The following MAN1A1 variants were observed in gnomAD, a reference collection of about 807,000 sequenced individuals.
The protein encoded by MAN1A1 is mannosidase alpha class 1A member 1, also known as mannosyl-oligosaccharide 1,2-alpha-mannosidase IA.
Under a neutral mutation model 70.8 loss-of-function variants are expected in MAN1A1, and 29 were observed. The observed-to-expected ratio is 0.41, with a 90% CI of 0.31 to 0.56. MAN1A1 has a LOEUF of 0.56. Ranked by LOEUF, MAN1A1 falls within the 20% of genes least tolerant of loss-of-function variation. The pLI, the probability that MAN1A1 is intolerant of heterozygous loss-of-function variation, is 0.29. For missense variants in MAN1A1, 747 were observed against 841.3 expected (o/e 0.89, Z 1.39); for synonymous variants, 349 against 330.1 (o/e 1.06, Z -0.62).
chr6:119,305,411 G>C (rs932464880), intron 3 of MAN1A1, among the ~76,000 whole-genome samples: 2 of 152,030 alleles, frequency 1.3e-5, no homozygotes, highest in Admixed American at 1.3e-4. Context: ...AAAAAATAAA[G>C]GCCTCTGGCT....
At chr6:119,230,713 T>C (rs1258786880) in intron 6 of MAN1A1, among the ~76,000 whole-genome samples, 1 of 152,216 alleles carries the variant, frequency 6.6e-6, no homozygotes, top group Non-Finnish European at 1.5e-5. Flanking sequence ...GTCCAGGATC[T>C]AGGAGAAGGG....
intron 2 of MAN1A1, among the ~76,000 whole-genome samples, chr6:119,321,984 C>A (rs1018899143): frequency 6.6e-6 from 1 of 152,086 alleles, no homozygotes; most frequent in African/African-American, 2.4e-5. Context: ...TAACAGTGGC[C>A]CACTCCTATA....
At chr6:119,213,037 T>G (rs942148845) in intron 6 of MAN1A1, among the ~76,000 whole-genome samples, 1 of 152,184 alleles carries the variant, frequency 6.6e-6, no homozygotes, top group Non-Finnish European at 1.5e-5. Context: ...GATGTCTAGG[T>G]AATCAGGATC....
At chr6:119,253,782 A>G (rs1420695051) in intron 5 of MAN1A1, among the ~76,000 whole-genome samples, 1 of 152,224 alleles carries the variant, frequency 6.6e-6, no homozygotes, top group Non-Finnish European at 1.5e-5. Context: ...GGGCATTGTA[A>G]TAAGAAGCCA....
intron 5 of MAN1A1, among the ~76,000 whole-genome samples, chr6:119,275,646 T>C (rs1411793814): frequency 6.6e-6 from 1 of 152,104 alleles, no homozygotes; most frequent in African/African-American, 2.4e-5. Flanking sequence ...TTCACCATGT[T>C]GGCCAGGCTC....
At chr6:119,189,341 A>G (rs1773376896) in intron 10 of MAN1A1, among the ~76,000 whole-genome samples, 1 of 152,166 alleles carries the variant, frequency 6.6e-6, no homozygotes, top group Non-Finnish European at 1.5e-5. Context: ...AAGATTAATA[A>G]TGGTTAATAA....
chr6:119,241,419 C>T (rs1188078965), intron 6 of MAN1A1, among the ~76,000 whole-genome samples: 2 of 152,134 alleles, frequency 1.3e-5, no homozygotes, highest in Non-Finnish European at 2.9e-5. Context: ...TACAGTGGTT[C>T]TCAAAGTGTG....
chr6:119,268,798 G>C (rs1775830725), intron 5 of MAN1A1, among the ~76,000 whole-genome samples: 1 of 152,056 alleles, frequency 6.6e-6, no homozygotes, highest in Non-Finnish European at 1.5e-5. Flanking sequence ...TGTTGCCCAG[G>C]ATGGTCTCAA....
At chr6:119,201,172 A>G (rs1773703423) in intron 8 of MAN1A1, 82 bp downstream of exon 8, 1 of 1,012,902 alleles carries the variant, frequency 9.9e-7, no homozygotes, top group Non-Finnish European at 1.5e-6. Flanking sequence ...TCTCAACAAA[A>G]TCTGTGCTGC....
At chr6:119,221,472 C>CTTT (rs5879491) in intron 6 of MAN1A1, among the ~76,000 whole-genome samples, 6 of 130,366 alleles carry the variant, frequency 4.6e-5, no homozygotes, top group Non-Finnish European at 4.8e-5. Context: ...ATTTTCTTTT[C>CTTT]TTTTTTTTTT....
chr6:119,297,423 T>C (rs962500837), intron 4 of MAN1A1, among the ~76,000 whole-genome samples: 3 of 152,206 alleles, frequency 2.0e-5, no homozygotes, highest in African/African-American at 7.2e-5. Flanking sequence ...TAATTAGTAA[T>C]CTAATATTAA....
intron 4 of MAN1A1, among the ~76,000 whole-genome samples, chr6:119,295,981 T>C (rs1270988952): frequency 1.3e-5 from 2 of 152,212 alleles, no homozygotes; most frequent in Admixed American, 6.5e-5. Context: ...AAACCATTGA[T>C]TAAAGACTGG....
intron 4 of MAN1A1, 110 bp from the exon 5 acceptor site, chr6:119,290,873 G>T: frequency 1.5e-6 from 1 of 687,502 alleles, no homozygotes; most frequent in Non-Finnish European, 2.5e-6. Context: ...TGCTTGCCCA[G>T]AGAAGTTTAT....
In MAN1A1 at chr6:119,189,661, C is replaced by T; in HGVS notation, c.1546+3G>A. 2 of 1,611,202 alleles carry T rather than the reference C, an allele frequency of 1.2e-6. No individual in the cohort carries two copies. The highest frequency in any genetic ancestry group is 1.7e-6 in the Non-Finnish European group (2 of 1,177,424). On this transcript the variant is annotated splice_donor_region_variant and intron_variant, in intron 10 of 12. Coordinates refer to ENST00000368468, the MANE Select transcript of MAN1A1 (RefSeq NM_005907.4). ...CCATAAATGAAGAATAACATGTACT[C>T]ACATGTTCGATTATATGATTCATGA... is the stretch of plus-strand genomic sequence containing the variant.
intron 2 of MAN1A1, among the ~76,000 whole-genome samples, chr6:119,317,215 A>G (rs1472871107): frequency 6.6e-6 from 1 of 152,190 alleles, no homozygotes; most frequent in African/African-American, 2.4e-5. Flanking sequence ...TACGCTTATT[A>G]CAACTGATGG....
chr6:119,281,182 C>A (rs1776216141), intron 5 of MAN1A1, among the ~76,000 whole-genome samples: 1 of 152,126 alleles, frequency 6.6e-6, no homozygotes, highest in African/African-American at 2.4e-5. Context: ...GATTCATATC[C>A]CAAGTCACAC....
chr6:119,238,944 G>A (rs1480228365), intron 6 of MAN1A1, among the ~76,000 whole-genome samples: 1 of 151,958 alleles, frequency 6.6e-6, no homozygotes, highest in African/African-American at 2.4e-5. Context: ...AGGCTGGAGT[G>A]CAGTGGCGGG....
At chr6:119,303,022 CTTTT>C (rs989750014) in intron 3 of MAN1A1, among the ~76,000 whole-genome samples, 1 of 151,444 alleles carries the variant, frequency 6.6e-6, no homozygotes, top group Non-Finnish European at 1.5e-5. Flanking sequence ...AGTCTATAAA[CTTTT>C]TTTTTCTTTT....
At chr6:119,257,979 C>A (rs755682230) in intron 5 of MAN1A1, among the ~76,000 whole-genome samples, 3 of 152,016 alleles carry the variant, frequency 2.0e-5, no homozygotes, top group Non-Finnish European at 4.4e-5. Flanking sequence ...AATGTTTACA[C>A]TAAATATGAC....
Sources: allele counts gnomAD v4.1 joint callset (sites outside exome capture counted in the v4.1 genomes callset), GRCh38; gene constraint gnomAD v4.1.1; transcripts MANE v1.5; gene names NCBI Gene and HGNC (gene_info 2026-07-23, HGNC 2026-07-21).